GRID2: variants seen among roughly 807,000 people sequenced by gnomAD.
The protein encoded by GRID2 is glutamate ionotropic receptor delta type subunit 2, also known as glutamate receptor ionotropic, delta-2.
A neutral mutation model predicts 114.8 loss-of-function variants in GRID2; 33 were observed. The observed-to-expected ratio is 0.29, with a 90% CI of 0.22 to 0.38. The LOEUF is 0.38. Among genes scored for constraint, GRID2 ranks in the 10% least tolerant of loss-of-function variants. GRID2 has a pLI of 1.00. For missense variants in GRID2, 1,184 were observed against 1,257.7 expected (o/e 0.94, Z 0.89); for synonymous variants, 505 against 449.9 (o/e 1.12, Z -1.55).
At chr4:93,336,746 T>C (rs1460735937) in intron 8 of GRID2, among the ~76,000 whole-genome samples, 1 of 152,202 alleles carries the variant, frequency 6.6e-6, no homozygotes, top group Admixed American at 6.5e-5. Context: ...TGACATCATA[T>C]TTGTTTTACT....
chr4:92,682,402 T>C (rs1415651694), intron 2 of GRID2, among the ~76,000 whole-genome samples: 1 of 152,154 alleles, frequency 6.6e-6, no homozygotes, highest in Admixed American at 6.5e-5. Context: ...ACCTGGGAAT[T>C]TGGTAAGCCC....
At chr4:93,411,847 G>T (rs1767168631) in intron 9 of GRID2, among the ~76,000 whole-genome samples, 1 of 151,318 alleles carries the variant, frequency 6.6e-6, no homozygotes, top group East Asian at 1.9e-4. Flanking sequence ...GTAATTCCCA[G>T]CCTTCTAACT....
At chr4:92,441,660 C>A (rs1044933033) in intron 1 of GRID2, among the ~76,000 whole-genome samples, 21 of 151,996 alleles carry the variant, frequency 1.4e-4, no homozygotes, top group Admixed American at 6.5e-4. Flanking sequence ...CTGTAGCAGG[C>A]GAGTGATAAC....
chr4:92,409,688 A>G (rs1388005143), intron 1 of GRID2, among the ~76,000 whole-genome samples: 3 of 152,212 alleles, frequency 2.0e-5, no homozygotes, highest in Non-Finnish European at 4.4e-5. Context: ...AATATTCTAT[A>G]CCTTCCTGGG....
At chr4:92,709,665 T>C (rs982190557) in intron 2 of GRID2, among the ~76,000 whole-genome samples, 1 of 150,024 alleles carries the variant, frequency 6.7e-6, no homozygotes, top group African/African-American at 2.4e-5. Context: ...AGTGGCAAAA[T>C]ATAAGAGTTA....
intron 14 of GRID2, among the ~76,000 whole-genome samples, chr4:93,720,825 A>G (rs1729302101): frequency 6.6e-6 from 1 of 152,238 alleles, no homozygotes; most frequent in Non-Finnish European, 1.5e-5. Context: ...TGGGACTAAT[A>G]GATACCTTCA....
chr4:93,212,078 C>G (rs1362012025), intron 5 of GRID2, among the ~76,000 whole-genome samples: 4 of 151,608 alleles, frequency 2.6e-5, no homozygotes, highest in Non-Finnish European at 1.5e-5. Flanking sequence ...ACATGGATTT[C>G]TCAATATTGC....
intron 2 of GRID2, among the ~76,000 whole-genome samples, chr4:92,621,015 T>C (rs1347843329): frequency 7.0e-6 from 1 of 142,446 alleles, no homozygotes; most frequent in South Asian, 2.2e-4. Flanking sequence ...AAAAAAAGAA[T>C]TTTAACCCAG....
intron 4 of GRID2, among the ~76,000 whole-genome samples, chr4:93,160,586 C>T (rs762608895): frequency 6.6e-6 from 1 of 151,702 alleles, no homozygotes; most frequent in African/African-American, 2.4e-5. Context: ...CTCTCCTCTG[C>T]GAAATCATAG....
chr4:92,662,539 A>G (rs1196880133), intron 2 of GRID2, among the ~76,000 whole-genome samples: 3 of 151,016 alleles, frequency 2.0e-5, no homozygotes, highest in Non-Finnish European at 4.5e-5. Flanking sequence ...TCTCTACTAT[A>G]TAGTATTCCT....
chr4:93,616,416 G>A (rs949038660), intron 13 of GRID2, among the ~76,000 whole-genome samples: 5 of 151,348 alleles, frequency 3.3e-5, no homozygotes, highest in Admixed American at 2.6e-4. Flanking sequence ...GTGTGATGGT[G>A]CACACCTGTA....
intron 2 of GRID2, among the ~76,000 whole-genome samples, chr4:92,745,448 G>C (rs1297350452): frequency 6.6e-6 from 1 of 151,960 alleles, no homozygotes; most frequent in South Asian, 2.1e-4. Context: ...CATACCTATA[G>C]GTCCATGTTT....
chr4:93,154,661 G>C (rs1737014046), intron 4 of GRID2, among the ~76,000 whole-genome samples: 2 of 151,582 alleles, frequency 1.3e-5, no homozygotes, highest in Non-Finnish European at 2.9e-5. Context: ...GAAACAAGGG[G>C]GTGTGGTTAA....
intron 8 of GRID2, among the ~76,000 whole-genome samples, chr4:93,308,592 A>G (rs1411745640): frequency 1.3e-5 from 2 of 152,214 alleles, no homozygotes; most frequent in Non-Finnish European, 2.9e-5. Context: ...AAGGGTTTCA[A>G]CAGGCTAAAA....
rs148019171 is a variant in GRID2 at position 92,408,894 on chromosome 4, A to G, written c.88+104150A>G. Among the ~76,000 whole-genome samples, 411 of 152,264 alleles carry G rather than the reference A, an allele frequency of 2.7e-3. 2 individuals carry two copies. The highest frequency in any genetic ancestry group is 4.5e-3 in the Non-Finnish European group (303 of 68,002). On this transcript the variant is annotated intron_variant, in intron 1 of 15. Transcript: ENST00000282020. ...GTGGAGTCTTTGGGGTTTTGTAGAT[A>G]TAGAATCATATCATTGAAAAAGACA...
intron 14 of GRID2, among the ~76,000 whole-genome samples, chr4:93,680,415 C>G (rs955799093): frequency 4.3e-4 from 66 of 151,844 alleles, no homozygotes; most frequent in East Asian, 1.2e-3. Context: ...GGAATCCTCC[C>G]TAACTCATTT....
intron 2 of GRID2, among the ~76,000 whole-genome samples, chr4:92,861,466 A>T (rs1192603369): frequency 1.3e-5 from 2 of 152,092 alleles, no homozygotes; most frequent in Non-Finnish European, 2.9e-5. Context: ...TCTTTTTCTC[A>T]TGCTGTTTTT....
intron 2 of GRID2, among the ~76,000 whole-genome samples, chr4:92,701,301 A>G (rs916979172): frequency 3.3e-5 from 5 of 152,200 alleles, no homozygotes; most frequent in African/African-American, 1.2e-4. Flanking sequence ...TGGTATGATT[A>G]TCCAAGCACT....
chr4:93,124,106 TAAAAAAAAAAGAA>T (rs1734052683), intron 4 of GRID2, among the ~76,000 whole-genome samples: 1 of 131,174 alleles, frequency 7.6e-6, no homozygotes, highest in Non-Finnish European at 1.7e-5. Context: ...TAAAGTATAA[TAAAAAAAAAAGAA>T]AAAAAAAAAA....
Sources: allele counts gnomAD v4.1 joint callset (sites outside exome capture counted in the v4.1 genomes callset), GRCh38; gene constraint gnomAD v4.1.1; transcripts MANE v1.5; gene names NCBI Gene and HGNC (gene_info 2026-07-23, HGNC 2026-07-21).